The following GTF2H4 variants were observed in gnomAD, a reference collection of about 807,000 sequenced individuals.
The protein encoded by GTF2H4 is BTF2 p52.
Under a neutral mutation model 62.2 loss-of-function variants are expected in GTF2H4, and 49 were observed. The observed-to-expected ratio is 0.79, with a 90% CI of 0.63 to 1.00. GTF2H4 has a LOEUF of 1.00. GTF2H4 is among the 50% of genes least tolerant of loss of function. GTF2H4 has a pLI of 0.00. For synonymous variants in GTF2H4, 189 were observed against 233.8 expected, an observed-to-expected ratio of 0.81 and a Z score of 1.75; for missense variants, 479 against 587.8, an observed-to-expected ratio of 0.81 and a Z score of 1.91.
Position 30,909,152 on chromosome 6 carries a change from C to G in GTF2H4, c.116C>G (p.Ala39Gly), listed in dbSNP as rs763585242. ...TTGGACCGATTGTATGGGCACCCTGCCACATGTCTGGCTGTCTTCAGGTGA... is the reference window on the plus strand; with the variant it reads ...TTGGACCGATTGTATGGGCACCCTGGCACATGTCTGGCTGTCTTCAGGTGA... ...GVLDRLYGHPATCLAVFRELP... is the reference protein window; with the variant it reads ...GVLDRLYGHPGTCLAVFRELP... Residue 39 changes from alanine to glycine, a missense_variant, in exon 2 of 14, where the codon GCC (alanine) becomes GGC (glycine). Ala to Gly is a moderately conservative substitution (Grantham distance 60). Transcript: ENST00000259895. This position sits in a 1 kb window ranked among gnomAD's most constrained non-coding sequence, Gnocchi z 4.3. 2.3e-5 allele frequency: 37 copies of G among 1,613,638 alleles called. No homozygotes were observed. The highest frequency in any genetic ancestry group is 3.1e-5 in the Non-Finnish European group (36 of 1,179,796).
rs908514751 is a variant in GTF2H4, at chr6:30,910,882, C to T, written c.501C>T (p.Pro167=). Residue 167 remains proline, a synonymous_variant, in exon 6 of 14, where the codon CCC becomes CCT. Transcript: ENST00000259895. This position sits in a 1 kb window ranked among gnomAD's most constrained non-coding sequence, Gnocchi z 4.7. ...EVVLHFMVGS[P]SAAVSQDLAQ... ...TCTTGCACTTCATGGTGGGCTCCCC[C>T]AGTGCAGCTGTCAGCCAGGACTTGG... The T allele has an allele frequency of 6.2e-7, 1 of 1,612,324 alleles. No homozygotes were observed. The highest frequency in any genetic ancestry group is 1.1e-5 in the South Asian group (1 of 90,964).
chr6:30,912,291 G>A lies in GTF2H4; in HGVS notation c.959-37G>A. The A allele has an allele frequency of 6.2e-7, 1 of 1,611,236 alleles. No homozygotes were observed. Among genetic ancestry groups the A allele is most frequent in the Admixed American group, 1.7e-5 (1 of 59,982 alleles). ...AGGGCTTGAGGGAGTCTGGGTGTGG[G>A]GGTGGCCTCCTCATCCTCTTTCTAT... On this transcript the variant is annotated intron_variant, in intron 10 of 13. Transcript: ENST00000259895. This position sits in a 1 kb window ranked among gnomAD's most constrained non-coding sequence, Gnocchi z 4.8.
chr6:30,913,285 A>G lies in GTF2H4; in HGVS notation c.1138-24A>G, dbSNP rs765355764. ...GTCTGGGGCAGTATTCTGAGTCCCT[A>G]CAGTCAACCCTTGCTCCTTGCAGAC... On this transcript the variant is annotated intron_variant, in intron 12 of 13. Transcript: ENST00000259895. This position sits in a 1 kb window ranked among gnomAD's most constrained non-coding sequence, Gnocchi z 4.2. The G allele has an allele frequency of 3.7e-6, 6 of 1,613,782 alleles. No individual in the cohort carries two copies. The highest frequency in any genetic ancestry group is 1.1e-5 in the South Asian group (1 of 91,036).
chr6:30,909,998 C>T lies in GTF2H4; in HGVS notation c.309C>T (p.Gly103=), dbSNP rs147846699. 58 of 1,612,908 alleles carry T rather than the reference C, an allele frequency of 3.6e-5. No homozygotes were observed. The highest frequency in any genetic ancestry group is 2.9e-4 in the East Asian group (13 of 44,880). The change falls in exon 4 of 14, where the codon GGC becomes GGT. Residue 103 remains glycine, a synonymous_variant. Transcript: ENST00000259895. The surrounding 1 kb of genome is among the most constrained non-coding windows in gnomAD (Gnocchi z 4.3). ...TCTGGCACACACAGCTGCTCCCAGG[C>T]GGGCTCCAGGGCCTCATCCTCAACC... is the stretch of plus-strand genomic sequence containing the variant. ...LRIWHTQLLP[G]GLQGLILNPI...
rs542043025 is a variant in GTF2H4 at position 30,912,001 on chromosome 6, C to T, written c.826-13C>T. 2.1e-5 allele frequency: 34 copies of T among 1,612,432 alleles called. No individual in the cohort carries two copies. In the South Asian group the frequency reaches 3.5e-4, roughly 17 times the overall value. Reference sequence around the variant, plus strand: ...CTTCTGAGACAAGGCATCTGCCTTTCTATTCTTTTCAGAGGAAATCTCGGC... The same window carrying T: ...CTTCTGAGACAAGGCATCTGCCTTTTTATTCTTTTCAGAGGAAATCTCGGC... On this transcript the variant is annotated splice_polypyrimidine_tract_variant and intron_variant, in intron 9 of 13. Coordinates refer to ENST00000259895, the MANE Select transcript of GTF2H4 (RefSeq NM_001517.5). This position sits in a 1 kb window ranked among gnomAD's most constrained non-coding sequence, Gnocchi z 4.8.
Position 30,913,272 on chromosome 6 carries a change from A to T in GTF2H4, c.1138-37A>T. On this transcript the variant is annotated intron_variant, in intron 12 of 13. Transcript: ENST00000259895. The surrounding 1 kb of genome is among the most constrained non-coding windows in gnomAD (Gnocchi z 4.2). ...AGAGGGCCGGGTTGTCTGGGGCAGTATTCTGAGTCCCTACAGTCAACCCTT... is the reference window on the plus strand; with the variant it reads ...AGAGGGCCGGGTTGTCTGGGGCAGTTTTCTGAGTCCCTACAGTCAACCCTT... The T allele has an allele frequency of 6.2e-7, 1 of 1,613,282 alleles. No homozygotes were observed. Among genetic ancestry groups the T allele is most frequent in the Non-Finnish European group, 8.5e-7 (1 of 1,179,430 alleles).
chr6:30,909,308 A>G lies in GTF2H4; in HGVS notation c.138-127A>G. The G allele has an allele frequency of 8.1e-7, 1 of 1,240,470 alleles. No homozygotes were observed. Among genetic ancestry groups the G allele is most frequent in the Non-Finnish European group, 1.1e-6 (1 of 885,552 alleles). 76.8% of individuals were successfully genotyped at this position (1,240,470 alleles called of 1,614,324 possible). A position where few individuals can be genotyped will look rare whatever the true frequency, so the allele number is the denominator to read the frequency against. On this transcript the variant is annotated intron_variant, in intron 2 of 13. Transcript: ENST00000259895. The surrounding 1 kb of genome is among the most constrained non-coding windows in gnomAD (Gnocchi z 4.3). Reference sequence around the variant, plus strand: ...GGTTGGAAATTGCTCTAAAGTGTGGAGGCCAAAACAGCAGGACTGGTAAAG... The same window carrying G: ...GGTTGGAAATTGCTCTAAAGTGTGGGGGCCAAAACAGCAGGACTGGTAAAG...
In GTF2H4 at chr6:30,909,137, T is replaced by G; in HGVS notation, c.101T>G (p.Leu34Trp). The change falls in exon 2 of 14, where the codon TTG (leucine) becomes TGG (tryptophan). Residue 34 changes from leucine to tryptophan, a missense_variant. By Grantham distance (61) the Leu-to-Trp change is moderately conservative. Coordinates refer to ENST00000259895, the MANE Select transcript of GTF2H4 (RefSeq NM_001517.5). This position sits in a 1 kb window ranked among gnomAD's most constrained non-coding sequence, Gnocchi z 4.3. ...GGLSPGVLDR[L>W]YGHPATCLAV... ...CTGAGCCCTGGGGTATTGGACCGATTGTATGGGCACCCTGCCACATGTCTG... is the reference window on the plus strand; with the variant it reads ...CTGAGCCCTGGGGTATTGGACCGATGGTATGGGCACCCTGCCACATGTCTG... 1 of 1,614,022 alleles carries G rather than the reference T, an allele frequency of 6.2e-7. No homozygotes were observed. Among genetic ancestry groups the G allele is most frequent in the Non-Finnish European group, 8.5e-7 (1 of 1,179,992 alleles).
chr6:30,909,830 G>A lies in GTF2H4; in HGVS notation c.243-102G>A. On this transcript the variant is annotated intron_variant, in intron 3 of 13. Transcript: ENST00000259895. This position sits in a 1 kb window ranked among gnomAD's most constrained non-coding sequence, Gnocchi z 4.3. The stretch of plus-strand genomic sequence containing the variant: ...TACTAATTTCACTCTGTGGAACAGT[G>A]TTCCAAGGGTCAGCAAGTTCAGAAC... 8.6e-7 allele frequency: 1 copy of A among 1,159,330 alleles called. No individual in the cohort carries two copies. Among genetic ancestry groups the A allele is most frequent in the Admixed American group, 2.3e-5 (1 of 44,390 alleles). 71.8% of individuals were successfully genotyped at this position (1,159,330 alleles called of 1,614,324 possible).
Position 30,912,978 on chromosome 6 carries a change from A to T in GTF2H4, c.1090-132A>T, listed in dbSNP as rs566565024. 16 of 789,720 alleles carry T rather than the reference A, an allele frequency of 2.0e-5. No individual in the cohort carries two copies. The highest frequency in any genetic ancestry group is 3.1e-5 in the Non-Finnish European group (15 of 487,958). 48.9% of individuals were successfully genotyped at this position (789,720 alleles called of 1,614,324 possible). On this transcript the variant is annotated intron_variant, in intron 11 of 13. Coordinates refer to ENST00000259895, the MANE Select transcript of GTF2H4 (RefSeq NM_001517.5). The surrounding 1 kb of genome is among the most constrained non-coding windows in gnomAD (Gnocchi z 4.8). ...AACGTGGGATAACAGCTGAACTGGGATGGGTGGAGTTGATGACAGGAGTTA... is the reference window on the plus strand; with the variant it reads ...AACGTGGGATAACAGCTGAACTGGGTTGGGTGGAGTTGATGACAGGAGTTA...
Position 30,911,377 on chromosome 6 carries a change from T to G in GTF2H4, c.673-54T>G. ...GATTTTCTCTTCTCTGTCCCTTTCT[T>G]CCCATTGTCTCCCTCCCATCCCTCC... On this transcript the variant is annotated intron_variant, in intron 7 of 13. Coordinates refer to ENST00000259895, the MANE Select transcript of GTF2H4 (RefSeq NM_001517.5). The surrounding 1 kb of genome is among the most constrained non-coding windows in gnomAD (Gnocchi z 4.3). The G allele has an allele frequency of 6.4e-7, 1 of 1,552,868 alleles. No individual in the cohort carries two copies. Among genetic ancestry groups the G allele is most frequent in the Non-Finnish European group, 8.9e-7 (1 of 1,125,226 alleles).
In GTF2H4 at chr6:30,911,739, G is replaced by A. The variant is rs780624433; in HGVS notation, c.797G>A (p.Arg266His). Reference protein sequence around the residue: ...DSLLNFLQHLREFGLVFQRKR... With the variant: ...DSLLNFLQHLHEFGLVFQRKR... ...CTGTTGAACTTCCTGCAACATCTGC[G>A]TGAGTTTGGGCTTGTTTTCCAGAGG... Residue 266 changes from arginine to histidine, a missense_variant, in exon 9 of 14, where the codon CGT becomes CAT. Arg to His is a conservative substitution (Grantham distance 29). Coordinates refer to ENST00000259895, the MANE Select transcript of GTF2H4 (RefSeq NM_001517.5). This position sits in a 1 kb window ranked among gnomAD's most constrained non-coding sequence, Gnocchi z 4.3. 16 of 1,612,930 alleles carry A rather than the reference G, an allele frequency of 9.9e-6. No individual in the cohort carries two copies. Among genetic ancestry groups the A allele is most frequent in the South Asian group, 1.1e-5 (1 of 91,084 alleles).
Position 30,912,219 on chromosome 6 carries a change from C to T in GTF2H4, c.958+73C>T. 1.9e-6 allele frequency: 3 copies of T among 1,602,778 alleles called. No homozygotes were observed. Among genetic ancestry groups the T allele is most frequent in the Non-Finnish European group, 2.6e-6 (3 of 1,173,436 alleles). ...AATGCCAGTTTATGTTCGTGTTTAC[C>T]TGGCAGTCTACAGAGCTCTCTGACA... On this transcript the variant is annotated intron_variant, in intron 10 of 13. Transcript: ENST00000259895. This position sits in a 1 kb window ranked among gnomAD's most constrained non-coding sequence, Gnocchi z 4.8.
Position 30,910,687 on chromosome 6 carries a change from A to G in GTF2H4, c.397A>G (p.Thr133Ala). The change falls in exon 5 of 14, where the codon ACA (threonine) becomes GCA (alanine). Residue 133 changes from threonine (T) to alanine (A), a missense_variant. Coordinates refer to ENST00000259895, the MANE Select transcript of GTF2H4 (RefSeq NM_001517.5). The surrounding 1 kb of genome is among the most constrained non-coding windows in gnomAD (Gnocchi z 4.7). ...LGGGKAWSDD[T>A]SQLGPDKHAR... ...TAGGGGGAAGGCCTGGTCTGATGACACAAGTCAGCTGGGACCAGACAAGCA... is the reference window on the plus strand; with the variant it reads ...TAGGGGGAAGGCCTGGTCTGATGACGCAAGTCAGCTGGGACCAGACAAGCA... 6.2e-7 allele frequency: 1 copy of G among 1,612,996 alleles called. No individual in the cohort carries two copies. Among genetic ancestry groups the G allele is most frequent in the Non-Finnish European group, 8.5e-7 (1 of 1,180,008 alleles).
chr6:30,909,959 G>T lies in GTF2H4; in HGVS notation c.270G>T (p.Leu90=). Reference sequence around the variant, plus strand: ...CTCAGGAGGAAAGTACAGGGCTGCTGAGCGGCCTCCGGATCTGGCACACAC... The same window carrying T: ...CTCAGGAGGAAAGTACAGGGCTGCTTAGCGGCCTCCGGATCTGGCACACAC... ...SKAQEESTGL[L]SGLRIWHTQL... The change falls in exon 4 of 14, where the codon CTG becomes CTT. Residue 90 remains leucine (L), a synonymous_variant. Transcript: ENST00000259895. This position sits in a 1 kb window ranked among gnomAD's most constrained non-coding sequence, Gnocchi z 4.3. 5 of 1,612,976 alleles carry T rather than the reference G, an allele frequency of 3.1e-6. No individual in the cohort carries two copies. Among genetic ancestry groups the T allele is most frequent in the Non-Finnish European group, 4.2e-6 (5 of 1,180,006 alleles).
chr6:30,911,302 C>A lies in GTF2H4; in HGVS notation c.672+33C>A. 2 of 1,557,064 alleles carry A rather than the reference C, an allele frequency of 1.3e-6. 1 individual carries two copies. Among genetic ancestry groups the A allele is most frequent in the South Asian group, 2.2e-5 (2 of 89,974 alleles). On this transcript the variant is annotated intron_variant, in intron 7 of 13. Transcript: ENST00000259895. This position sits in a 1 kb window ranked among gnomAD's most constrained non-coding sequence, Gnocchi z 4.3. ...GGCAGGGCCACTTAACCAGCATGCT[C>A]TGCTCCTCTCAGGTCTCACTGAGAG...
chr6:30,910,512 G>C lies in GTF2H4; in HGVS notation c.375-153G>C. Reference sequence around the variant, plus strand: ...GCCAGGCTAATTTTTTGTATTTTTAGTAGAGATGGGGTTTCGCCATGTTGG... The same window carrying C: ...GCCAGGCTAATTTTTTGTATTTTTACTAGAGATGGGGTTTCGCCATGTTGG... On this transcript the variant is annotated intron_variant, in intron 4 of 13. Transcript: ENST00000259895. This position sits in a 1 kb window ranked among gnomAD's most constrained non-coding sequence, Gnocchi z 4.7. The C allele has an allele frequency of 1.5e-6, 1 of 685,096 alleles. No homozygotes were observed. 42.4% of individuals were successfully genotyped at this position (685,096 alleles called of 1,614,324 possible).
rs1283795030 is a variant in GTF2H4, at chr6:30,910,753, C to T, written c.463C>T (p.Arg155Ter). Reference protein sequence around the residue: ...VPSLDKYAEERWEVVLHFMVG... With the variant: ...VPSLDKYAEE ...CTCCCTTGACAAGTACGCCGAGGAG[C>T]GATGGGAGGTAAGCACTTGGGAGTG... is the stretch of plus-strand genomic sequence containing the variant. Residue 155 changes from arginine to a stop codon, truncating the protein, a stop_gained, in exon 5 of 14, where the codon CGA becomes TGA. Coordinates refer to ENST00000259895, the MANE Select transcript of GTF2H4 (RefSeq NM_001517.5). LOFTEE classifies it high-confidence loss of function. The surrounding 1 kb of genome is among the most constrained non-coding windows in gnomAD (Gnocchi z 4.7). 9 of 1,611,796 alleles carry T rather than the reference C, an allele frequency of 5.6e-6. No individual in the cohort carries two copies. Among genetic ancestry groups the T allele is most frequent in the South Asian group, 2.2e-5 (2 of 91,052 alleles).
rs1401144077 is a variant in GTF2H4 at position 30,909,200 on chromosome 6, A to G, written c.137+27A>G. On this transcript the variant is annotated intron_variant, in intron 2 of 13. Transcript: ENST00000259895. This position sits in a 1 kb window ranked among gnomAD's most constrained non-coding sequence, Gnocchi z 4.3. ...TGAGAAGCCCCTTCATGGCAGGGAA[A>G]TGTAATGGGGTCTGCGGAGTGGAAT... is the stretch of plus-strand genomic sequence containing the variant. 1 of 1,606,750 alleles carries G rather than the reference A, an allele frequency of 6.2e-7. No individual in the cohort carries two copies. The highest frequency in any genetic ancestry group is 1.3e-5 in the African/African-American group (1 of 74,724).
Sources: gnomAD v4.1 joint callset for allele counts on GRCh38, gnomAD v4.1.1 for gene constraint, Gnocchi (gnomAD v3.1) non-coding constraint, MANE v1.5 for transcripts, NCBI Gene and HGNC (gene_info 2026-07-23, HGNC 2026-07-21) for gene names.